Variants in SH3GL2 observed in about 807,000 individuals in gnomAD.
SH3GL2 encodes the protein endophilin-A1.
A neutral mutation model predicts 46.0 loss-of-function variants in SH3GL2; 24 were observed. That is an observed-to-expected ratio of 0.52 (90% CI 0.38 to 0.73). SH3GL2 has a LOEUF of 0.73. Ranked by LOEUF, SH3GL2 falls within the 30% of genes least tolerant of loss-of-function variation. SH3GL2 has a pLI of 0.00. For synonymous variants in SH3GL2, 196 were observed against 147.1 expected, an observed-to-expected ratio of 1.33 and a Z score of -2.40; for missense variants, 413 against 424.2, an observed-to-expected ratio of 0.97 and a Z score of 0.23.
chr9:17,648,199 C>G (rs1819873124), intron 1 of SH3GL2, among the ~76,000 whole-genome samples: 1 of 152,132 alleles, frequency 6.6e-6, no homozygotes, highest in Non-Finnish European at 1.5e-5. Context: ...GGATTTTCAA[C>G]TACACAAGGG....
intron 1 of SH3GL2, among the ~76,000 whole-genome samples, chr9:17,738,491 C>T (rs1236109471): frequency 1.1e-5 from 1 of 94,360 alleles, no homozygotes; most frequent in African/African-American, 3.3e-5. Context: ...TATACACACA[C>T]ACATATACAT....
chr9:17,791,408 T>C (rs879099072), intron 7 of SH3GL2, 74 bp downstream of exon 7: 145 of 1,077,346 alleles, frequency 1.3e-4, no homozygotes, highest in Middle Eastern at 4.1e-4. Flanking sequence ...ATGGAAATCA[T>C]AGAATACATT....
At chr9:17,769,307 C>G (rs1384416702) in intron 3 of SH3GL2, among the ~76,000 whole-genome samples, 1 of 152,198 alleles carries the variant, frequency 6.6e-6, no homozygotes, top group Non-Finnish European at 1.5e-5. Flanking sequence ...GAGCCCAATT[C>G]TATTCTTTTA....
intron 1 of SH3GL2, among the ~76,000 whole-genome samples, chr9:17,646,983 C>G (rs1360247512): frequency 1.3e-5 from 2 of 152,160 alleles, no homozygotes; most frequent in African/African-American, 4.8e-5. Flanking sequence ...ACAGCCACCC[C>G]TTCCCCCAGT....
intron 1 of SH3GL2, among the ~76,000 whole-genome samples, chr9:17,668,096 G>A (rs1002224104): frequency 6.6e-6 from 1 of 152,126 alleles, no homozygotes; most frequent in Non-Finnish European, 1.5e-5. Context: ...GTCTTTTCAT[G>A]TTCTTGATGA....
chr9:17,607,880 G>C (rs1818788847), intron 1 of SH3GL2, among the ~76,000 whole-genome samples: 1 of 152,138 alleles, frequency 6.6e-6, no homozygotes, highest in Admixed American at 6.5e-5. Flanking sequence ...TCATTCAAAT[G>C]AATGGGTTAA....
chr9:17,770,702 GA>G (rs1239948147), intron 3 of SH3GL2, among the ~76,000 whole-genome samples: 1 of 152,198 alleles, frequency 6.6e-6, no homozygotes, highest in East Asian at 1.9e-4. Context: ...TCCTTGTCTA[GA>G]AGAAGCACAC....
intron 3 of SH3GL2, among the ~76,000 whole-genome samples, chr9:17,784,645 T>C (rs1472625844): frequency 6.6e-6 from 1 of 152,188 alleles, no homozygotes; most frequent in African/African-American, 2.4e-5. Flanking sequence ...TGGGACTGTG[T>C]CCTTCCTGGA....
At position 17,611,894 on chromosome 9, in the gene SH3GL2, T is replaced by A. The variant is rs140690191; in HGVS notation, c.45+32607T>A. ...GGGAATCGTAATGACAACTTGCCTA[T>A]CTCAACACTCTTTCCCACCATAAAG... On this transcript the variant is annotated intron_variant, in intron 1 of 8. Coordinates refer to ENST00000380607, the MANE Select transcript of SH3GL2 (RefSeq NM_003026.5). 6.4e-4 allele frequency among the ~76,000 whole-genome samples: 97 copies of A among 151,550 alleles called. 1 individual carries two copies. In the East Asian group the frequency reaches 0.018, roughly 28 times the overall value.
intron 2 of SH3GL2, among the ~76,000 whole-genome samples, chr9:17,759,369 A>G (rs1268745151): frequency 6.6e-6 from 1 of 152,250 alleles, no homozygotes; most frequent in African/African-American, 2.4e-5. Context: ...GGCTACTGCC[A>G]GGTCCCCAGC....
At chr9:17,667,676 G>C (rs1411363849) in intron 1 of SH3GL2, among the ~76,000 whole-genome samples, 1 of 152,082 alleles carries the variant, frequency 6.6e-6, no homozygotes, top group African/African-American at 2.4e-5. Context: ...TATACCTTGA[G>C]GTGGAACTAT....
rs1484119843 is a variant in SH3GL2 at position 17,678,586 on chromosome 9, G to A, written c.46-68480G>A. ...TGTTCTCCCATTCTGTAGGTTGCCT[G>A]TTCACTCTGATGGTATTTTCTTTTG... On this transcript the variant is annotated intron_variant, in intron 1 of 8. Transcript: ENST00000380607. Among the ~76,000 whole-genome samples, 6 of 152,090 alleles carry A rather than the reference G, an allele frequency of 3.9e-5. No homozygotes were observed. In the East Asian group the frequency reaches 5.8e-4, roughly 15 times the overall value.
chr9:17,609,807 C>G (rs1401491583), intron 1 of SH3GL2, among the ~76,000 whole-genome samples: 1 of 152,182 alleles, frequency 6.6e-6, no homozygotes, highest in East Asian at 1.9e-4. Context: ...CTACTCAGCT[C>G]ATGGCATCTG....
intron 2 of SH3GL2, among the ~76,000 whole-genome samples, chr9:17,750,509 C>A (rs2131135819): frequency 6.6e-6 from 1 of 152,142 alleles, no homozygotes; most frequent in Middle Eastern, 3.4e-3. Flanking sequence ...GGATAGAATC[C>A]TGCGGCTGTG....
intron 1 of SH3GL2, among the ~76,000 whole-genome samples, chr9:17,622,854 A>G (rs1249819325): frequency 6.6e-6 from 1 of 152,074 alleles, no homozygotes; most frequent in Non-Finnish European, 1.5e-5. Context: ...AGACTCAAAG[A>G]CTGCCAATCC....
chr9:17,613,799 G>T (rs1266155381), intron 1 of SH3GL2, among the ~76,000 whole-genome samples: 1 of 152,160 alleles, frequency 6.6e-6, no homozygotes, highest in African/African-American at 2.4e-5. Context: ...ATGGCACACG[G>T]ACATTTGGAA....
intron 2 of SH3GL2, among the ~76,000 whole-genome samples, chr9:17,757,992 G>A (rs530292016): frequency 4.1e-4 from 63 of 152,274 alleles, no homozygotes; most frequent in African/African-American, 1.3e-3. Flanking sequence ...GGAGGACCGA[G>A]GTGGAGAGAA....
intron 1 of SH3GL2, among the ~76,000 whole-genome samples, chr9:17,653,368 T>C (rs1413030459): frequency 1.3e-5 from 2 of 152,204 alleles, no homozygotes; most frequent in African/African-American, 4.8e-5. Context: ...CTCTATTCTT[T>C]TGAGATTCCT....
chr9:17,660,516 A>G (rs1301565665), intron 1 of SH3GL2, among the ~76,000 whole-genome samples: 9 of 152,242 alleles, frequency 5.9e-5, no homozygotes, highest in African/African-American at 2.2e-4. Context: ...TTGGTACACA[A>G]TAGATGGTCA....
Sources: gnomAD v4.1 joint callset for allele counts (sites outside exome capture counted in the v4.1 genomes callset) on GRCh38, gnomAD v4.1.1 for gene constraint, MANE v1.5 for transcripts, NCBI Gene and HGNC (gene_info 2026-07-23, HGNC 2026-07-21) for gene names.